ARMC10: variants seen among roughly 807,000 people sequenced by gnomAD.
ARMC10 encodes the protein armadillo repeat-containing protein 10.
In ARMC10, 23 loss-of-function variants were observed where a neutral mutation model predicts 30.2. That is an observed-to-expected ratio of 0.76 (90% CI 0.55 to 1.08). ARMC10 has a LOEUF of 1.08. Ranked by LOEUF, ARMC10 falls within the 50% of genes least tolerant of loss-of-function variation. ARMC10 has a pLI of 0.00. For synonymous variants in ARMC10, 111 were observed against 164.4 expected, an observed-to-expected ratio of 0.68 and a Z score of 2.48; for missense variants, 303 against 413.7, an observed-to-expected ratio of 0.73 and a Z score of 2.32.
At chr7:103,092,738 G>A (rs1451066615) in intron 5 of ARMC10, 85 bp downstream of exon 5, 2 of 1,015,212 alleles carry the variant, frequency 2.0e-6, no homozygotes, top group East Asian at 2.8e-5. Flanking sequence ...CCTCAAAGAG[G>A]AAGATTTATT....
chr7:103,089,673 C>G (rs1462702374), intron 4 of ARMC10: 2 of 152,238 alleles, frequency 1.3e-5, no homozygotes, highest in African/African-American at 2.4e-5. Context: ...TCATATTCCA[C>G]TGAAGGAGGC....
intron 5 of ARMC10, among the ~76,000 whole-genome samples, chr7:103,093,573 A>G (rs573199421): frequency 2.0e-5 from 3 of 152,364 alleles, no homozygotes; most frequent in East Asian, 3.9e-4. Context: ...GTAGTCTTCT[A>G]GCAATATTGC....
intron 2 of ARMC10, 74 bp downstream of exon 2, chr7:103,075,955 T>A (rs777079885): frequency 9.3e-6 from 11 of 1,183,420 alleles, no homozygotes; most frequent in South Asian, 5.0e-5. Context: ...ATGATTCGGT[T>A]TCTGTCCAAA....
chr7:103,085,300 C>T (rs1800740779), intron 3 of ARMC10, among the ~76,000 whole-genome samples: 1 of 151,614 alleles, frequency 6.6e-6, no homozygotes, highest in African/African-American at 2.4e-5. Context: ...GCAAGTCCTT[C>T]GAAAGAACTT....
chr7:103,081,384 A>T (rs1002974827), intron 2 of ARMC10, among the ~76,000 whole-genome samples: 1 of 152,360 alleles, frequency 6.6e-6, no homozygotes, highest in African/African-American at 2.4e-5. Context: ...TTAAAAACAA[A>T]AACAAAAACA....
chr7:103,098,185 T>C lies in ARMC10; in HGVS notation c.778-114T>C, dbSNP rs1490042240. 2.7e-6 allele frequency: 3 copies of C among 1,115,776 alleles called. No homozygotes were observed. In the African/African-American group the frequency reaches 4.9e-5, roughly 18 times the overall value. The allele number at this position is 1,115,776 out of a possible 1,614,324, so 69.1% of individuals were successfully genotyped here. On this transcript the variant is annotated intron_variant, in intron 6 of 6. Transcript: ENST00000323716. Reference sequence around the variant, plus strand: ...ATGTGAGATACATTTTAAATGTGAATTTAAAAATTTTAAAATGTGAGTTAT... The same window carrying C: ...ATGTGAGATACATTTTAAATGTGAACTTAAAAATTTTAAAATGTGAGTTAT...
rs1432018555 is a variant in ARMC10, at chr7:103,099,756, AT to A, written c.*1204del. 5 of 152,026 alleles carry A rather than the reference AT, an allele frequency of 3.3e-5. No homozygotes were observed. The highest frequency in any genetic ancestry group is 1.2e-4 in the African/African-American group (5 of 41,390). 9.4% of individuals were successfully genotyped at this position (152,026 alleles called of 1,614,324 possible). A position where few individuals can be genotyped will look rare whatever the true frequency, so the allele number is the denominator to read the frequency against. The stretch of plus-strand genomic sequence containing the variant: ...TCTTTTTTTAATAAAGGGGAGAAAA[AT>A]CACTTACAAGGTTATACATATTTTT... On this transcript the variant is annotated 3_prime_UTR_variant, in exon 7 of 7. Coordinates refer to ENST00000323716, the MANE Select transcript of ARMC10 (RefSeq NM_031905.5).
intron 5 of ARMC10, among the ~76,000 whole-genome samples, chr7:103,095,030 C>G (rs1233784271): frequency 1.3e-5 from 2 of 152,164 alleles, no homozygotes; most frequent in Non-Finnish European, 2.9e-5. Flanking sequence ...AAATTAGTAT[C>G]TACAACATGA....
chr7:103,088,399 G>T (rs1350676631), intron 4 of ARMC10, among the ~76,000 whole-genome samples: 1 of 152,056 alleles, frequency 6.6e-6, no homozygotes, highest in Non-Finnish European at 1.5e-5. Context: ...TATCAGTTAA[G>T]AATTTCTGGA....
At chr7:103,094,042 G>A (rs1801566796) in intron 5 of ARMC10, among the ~76,000 whole-genome samples, 1 of 152,210 alleles carries the variant, frequency 6.6e-6, no homozygotes, top group African/African-American at 2.4e-5. Flanking sequence ...TGAGTTTAAA[G>A]TTCCAACTTG....
rs1302203131 is a variant in ARMC10 at position 103,075,232 on chromosome 7, C to T, written c.-41C>T. 2 of 1,152,936 alleles carry T rather than the reference C, an allele frequency of 1.7e-6. No homozygotes were observed. The highest frequency in any genetic ancestry group is 3.3e-5 in the African/African-American group (2 of 61,514). 71.4% of individuals were successfully genotyped at this position (1,152,936 alleles called of 1,614,324 possible). A position where few individuals can be genotyped will look rare whatever the true frequency, so the allele number is the denominator to read the frequency against. On this transcript the variant is annotated 5_prime_UTR_variant, in exon 1 of 7. Transcript: ENST00000323716. ...CCTCCGCGCTGGCCCCCGCGAGCCTCCTGCCCTGGCCCGGCGCTGCGGCTC... is the reference window on the plus strand; with the variant it reads ...CCTCCGCGCTGGCCCCCGCGAGCCTTCTGCCCTGGCCCGGCGCTGCGGCTC...
chr7:103,080,834 G>A (rs1800316445), intron 2 of ARMC10, among the ~76,000 whole-genome samples: 2 of 151,634 alleles, frequency 1.3e-5, no homozygotes, highest in Non-Finnish European at 2.9e-5. Context: ...CAGCATCTTG[G>A]CCAAGCTGGT....
In ARMC10 at chr7:103,091,773, C is replaced by G. The variant is rs569705683; in HGVS notation, c.529-704C>G. Among the ~76,000 whole-genome samples, 4 of 152,304 alleles carry G rather than the reference C, an allele frequency of 2.6e-5. No homozygotes were observed. In the South Asian group the frequency reaches 6.2e-4, roughly 24 times the overall value. ...GTGGACTAAGATGGGAGGCCTCCAA[C>G]CAGGGAGAAGCCACTGGTGTTAACA... On this transcript the variant is annotated intron_variant, in intron 4 of 6. Transcript: ENST00000323716.
At chr7:103,076,197 C>G (rs1799791411) in intron 2 of ARMC10, among the ~76,000 whole-genome samples, 1 of 152,110 alleles carries the variant, frequency 6.6e-6, no homozygotes, top group Non-Finnish European at 1.5e-5. Context: ...TGTAGCTGGA[C>G]AGATAGAACC....
chr7:103,081,762 C>A, intron 2 of ARMC10: 1 of 372,470 alleles, frequency 2.7e-6, no homozygotes, highest in South Asian at 2.0e-5. Context: ...AAATTTATCA[C>A]ATTTCTGCCA....
chr7:103,094,733 G>A (rs1298563873), intron 5 of ARMC10, among the ~76,000 whole-genome samples: 1 of 152,142 alleles, frequency 6.6e-6, no homozygotes, highest in Non-Finnish European at 1.5e-5. Context: ...CCTCCACGGA[G>A]TGCACTAAAG....
intron 4 of ARMC10, chr7:103,089,267 C>T: frequency 4.3e-6 from 1 of 232,210 alleles, no homozygotes; most frequent in Non-Finnish European, 9.6e-6. Flanking sequence ...CCAATGGCAG[C>T]ATTTTGTTTA....
intron 3 of ARMC10, among the ~76,000 whole-genome samples, chr7:103,084,408 A>G (rs1800653312): frequency 6.6e-6 from 1 of 152,236 alleles, no homozygotes; most frequent in African/African-American, 2.4e-5. Flanking sequence ...TAACATTGTC[A>G]TAAGTACAAA....
chr7:103,094,783 C>G (rs1173447830), intron 5 of ARMC10, among the ~76,000 whole-genome samples: 1 of 152,156 alleles, frequency 6.6e-6, no homozygotes, highest in Non-Finnish European at 1.5e-5. Flanking sequence ...ACCCCAGAGG[C>G]CTTAATTTAT....
Sources: allele counts gnomAD v4.1 joint callset (sites outside exome capture counted in the v4.1 genomes callset), GRCh38; gene constraint gnomAD v4.1.1; transcripts MANE v1.5; gene names NCBI Gene and HGNC (gene_info 2026-07-23, HGNC 2026-07-21).